The following GALNTL6 variants were observed in gnomAD, a reference collection of about 807,000 sequenced individuals.
GALNTL6 encodes polypeptide N-acetylgalactosaminyltransferase like 6, also known as polypeptide N-acetylgalactosaminyltransferase-like 6.
GALNTL6 carries 46 observed loss-of-function variants against 73.7 expected under a neutral mutation model. That is an observed-to-expected ratio of 0.62 (90% CI 0.49 to 0.80). The LOEUF is 0.80. Ranked by LOEUF, GALNTL6 falls within the 30% of genes least tolerant of loss-of-function variation. The pLI is 0.00. For missense variants in GALNTL6, 604 were observed against 755.0 expected, an observed-to-expected ratio of 0.80 and a Z score of 2.34; for synonymous variants, 259 against 263.7, an observed-to-expected ratio of 0.98 and a Z score of 0.17.
In GALNTL6 at chr4:172,507,275, G is replaced by C. The variant is rs116244353; in HGVS notation, c.553+158586G>C. The stretch of plus-strand genomic sequence containing the variant: ...TACAAAGGATCTGGGGAAAATTAGA[G>C]TAATATTTTTAGGTATTGTGGTTGG... On this transcript the variant is annotated intron_variant, in intron 5 of 12. Coordinates refer to ENST00000506823, the MANE Select transcript of GALNTL6 (RefSeq NM_001034845.3). Among the ~76,000 whole-genome samples the C allele has an allele frequency of 5.8e-3, 316 of 54,730 alleles. 125 individuals carry two copies. Among genetic ancestry groups the C allele is most frequent in the African/African-American group, 0.014 (302 of 21,852 alleles). 35.9% of individuals were successfully genotyped at this position (54,730 alleles called of 152,430 possible).
At position 172,171,477 on chromosome 4, in the gene GALNTL6, A is replaced by G. The variant is rs575858808; in HGVS notation, c.139-58179A>G. 4.6e-5 allele frequency among the ~76,000 whole-genome samples: 7 copies of G among 152,288 alleles called. No homozygotes were observed. The East Asian group carries it at 9.7e-4, about 21-fold the overall frequency. On this transcript the variant is annotated intron_variant, in intron 2 of 12. Coordinates refer to ENST00000506823, the MANE Select transcript of GALNTL6 (RefSeq NM_001034845.3). ...CTCTTAATGACTTGAAGAACATAAC[A>G]GTTCTAATGGAAGGTATTTCATGAA... is the stretch of plus-strand genomic sequence containing the variant.
intron 5 of GALNTL6, among the ~76,000 whole-genome samples, chr4:172,497,633 G>A (rs187739155): frequency 6.6e-6 from 1 of 152,338 alleles, no homozygotes; most frequent in East Asian, 1.9e-4. Flanking sequence ...ATTGGGCTTA[G>A]TGTCTATGAA....
intron 2 of GALNTL6, among the ~76,000 whole-genome samples, chr4:171,922,757 G>C (rs971453663): frequency 6.6e-6 from 1 of 151,942 alleles, no homozygotes; most frequent in Admixed American, 6.6e-5. Flanking sequence ...TATAACTTTA[G>C]TATTTATTTT....
intron 12 of GALNTL6, among the ~76,000 whole-genome samples, chr4:173,027,974 T>C (rs1420914121): frequency 6.6e-6 from 1 of 152,176 alleles, no homozygotes; most frequent in Non-Finnish European, 1.5e-5. Flanking sequence ...GGCAAAGATG[T>C]GAAAGACTTT....
intron 5 of GALNTL6, among the ~76,000 whole-genome samples, chr4:172,677,324 C>T (rs574557455): frequency 1.3e-5 from 2 of 152,268 alleles, no homozygotes; most frequent in African/African-American, 2.4e-5. Context: ...TGACCCAATT[C>T]GGCACTGCTT....
intron 2 of GALNTL6, among the ~76,000 whole-genome samples, chr4:172,197,240 A>G (rs1326628347): frequency 2.6e-5 from 4 of 152,160 alleles, no homozygotes; most frequent in African/African-American, 9.7e-5. Flanking sequence ...AAGGGAAGTG[A>G]AATACCTCTT....
At chr4:172,865,541 G>T (rs570609131) in intron 7 of GALNTL6, among the ~76,000 whole-genome samples, 3 of 152,160 alleles carry the variant, frequency 2.0e-5, no homozygotes, top group Non-Finnish European at 4.4e-5. Context: ...AATATTAGAC[G>T]TTTGATTAAT....
At chr4:171,928,125 A>G (rs1355538481) in intron 2 of GALNTL6, among the ~76,000 whole-genome samples, 1 of 152,194 alleles carries the variant, frequency 6.6e-6, no homozygotes, top group Non-Finnish European at 1.5e-5. Context: ...TTCAAATTAT[A>G]TCTTCAAATT....
intron 2 of GALNTL6, among the ~76,000 whole-genome samples, chr4:171,821,426 T>G (rs494770): frequency 6.6e-6 from 1 of 151,776 alleles, no homozygotes. Context: ...TAGTATTGGG[T>G]CTTGTTCTCT....
chr4:172,461,351 A>C (rs2111443458), intron 5 of GALNTL6, among the ~76,000 whole-genome samples: 1 of 152,304 alleles, frequency 6.6e-6, no homozygotes, highest in South Asian at 2.1e-4. Context: ...GTATCCCAGA[A>C]CTTAAAGTAT....
intron 3 of GALNTL6, among the ~76,000 whole-genome samples, chr4:172,241,968 G>T (rs1274367131): frequency 1.3e-5 from 2 of 152,102 alleles, no homozygotes; most frequent in East Asian, 3.8e-4. Context: ...TGAATGAAAA[G>T]AATTTCAATA....
intron 5 of GALNTL6, among the ~76,000 whole-genome samples, chr4:172,557,075 T>C (rs1000213562): frequency 4.6e-5 from 7 of 152,276 alleles, no homozygotes; most frequent in Admixed American, 2.0e-4. Context: ...GAAAAAGTAT[T>C]TGAAAGTCAA....
At chr4:172,034,217 A>T (rs1741857684) in intron 2 of GALNTL6, among the ~76,000 whole-genome samples, 1 of 152,104 alleles carries the variant, frequency 6.6e-6, no homozygotes, top group South Asian at 2.1e-4. Flanking sequence ...CCTGTGCCTG[A>T]GTTCTCAAAG....
At chr4:172,587,021 G>T (rs2110988313) in intron 5 of GALNTL6, among the ~76,000 whole-genome samples, 1 of 152,290 alleles carries the variant, frequency 6.6e-6, no homozygotes, top group African/African-American at 2.4e-5. Flanking sequence ...CAAGGTTATT[G>T]CTTACAAGCA....
At chr4:172,815,999 A>C (rs1332971047) in intron 7 of GALNTL6, among the ~76,000 whole-genome samples, 2 of 152,198 alleles carry the variant, frequency 1.3e-5, no homozygotes, top group African/African-American at 2.4e-5. Flanking sequence ...CACGGCAGTC[A>C]CCTGAATGTG....
intron 2 of GALNTL6, among the ~76,000 whole-genome samples, chr4:172,212,321 C>A (rs143412609): frequency 2.0e-5 from 3 of 152,162 alleles, no homozygotes; most frequent in Admixed American, 6.5e-5. Context: ...GCCACCACGC[C>A]TGGCTAATTT....
intron 2 of GALNTL6, among the ~76,000 whole-genome samples, chr4:171,931,379 C>T (rs759202791): frequency 1.3e-5 from 2 of 152,128 alleles, no homozygotes; most frequent in African/African-American, 2.4e-5. Flanking sequence ...TCTAGTCCAG[C>T]AGAATTTTAC....
At chr4:171,896,545 G>A (rs532507658) in intron 2 of GALNTL6, among the ~76,000 whole-genome samples, 4 of 152,272 alleles carry the variant, frequency 2.6e-5, no homozygotes, top group Non-Finnish European at 5.9e-5. Flanking sequence ...TCAACATGTT[G>A]GCAGATTTGT....
chr4:172,343,038 A>G (rs1741625283), intron 4 of GALNTL6, among the ~76,000 whole-genome samples: 2 of 152,196 alleles, frequency 1.3e-5, no homozygotes, highest in African/African-American at 2.4e-5. Context: ...TGAACAGGTA[A>G]AGGAAGCAAA....
Sources: allele counts gnomAD v4.1 joint callset (sites outside exome capture counted in the v4.1 genomes callset), GRCh38; gene constraint gnomAD v4.1.1; transcripts MANE v1.5; gene names NCBI Gene and HGNC (gene_info 2026-07-23, HGNC 2026-07-21).